The following APP variants were observed in gnomAD, a reference collection of about 807,000 sequenced individuals.
The protein encoded by APP is amyloid-beta precursor protein.
Under a neutral mutation model 101.4 loss-of-function variants are expected in APP, and 31 were observed. The ratio of observed to expected loss-of-function variants is 0.31; its 90% CI spans 0.23 to 0.41. The LOEUF is 0.41. Among genes scored for constraint, APP ranks in the 10% least tolerant of loss-of-function variants. APP has a pLI of 1.00. For synonymous variants in APP, 366 were observed against 364.4 expected, an observed-to-expected ratio of 1.00 and a Z score of -0.05; for missense variants, 839 against 1,003.7, an observed-to-expected ratio of 0.84 and a Z score of 2.22.
Position 26,061,425 on chromosome 21 carries a change from A to AT in APP, c.356-8078dup, listed in dbSNP as rs367759488. ...ACCATTTCAGACTCTTACTCCACAAATTTTTTTGTCTTGAATGTGCTCATT... is the reference window on the plus strand; with the variant it reads ...ACCATTTCAGACTCTTACTCCACAAATTTTTTTTGTCTTGAATGTGCTCATT... On this transcript the variant is annotated intron_variant, in intron 3 of 17. Transcript: ENST00000346798. Among the ~76,000 whole-genome samples the AT allele has an allele frequency of 2.8e-3, 433 of 152,240 alleles. 4 individuals are homozygous for AT. Among genetic ancestry groups the AT allele is most frequent in the African/African-American group, 0.01 (423 of 41,558 alleles).
At chr21:25,938,977 C>A (rs989902832) in intron 13 of APP, among the ~76,000 whole-genome samples, 13 of 152,142 alleles carry the variant, frequency 8.5e-5, no homozygotes, top group Non-Finnish European at 1.3e-4. Context: ...CTCTAATATA[C>A]CTATTTTTCT....
At chr21:25,948,501 TG>T (rs2040929595) in intron 13 of APP, among the ~76,000 whole-genome samples, 1 of 152,210 alleles carries the variant, frequency 6.6e-6, no homozygotes, top group Admixed American at 6.5e-5. Context: ...CCATTCACTA[TG>T]GATTTATTCA....
chr21:25,886,538 C>T (rs187314120), intron 17 of APP, among the ~76,000 whole-genome samples: 36 of 152,172 alleles, frequency 2.4e-4, no homozygotes, highest in Middle Eastern at 3.4e-3. Flanking sequence ...CGACTACAGG[C>T]GCATGCCACC....
At chr21:25,974,445 T>C (rs1207151890) in intron 11 of APP, among the ~76,000 whole-genome samples, 7 of 152,130 alleles carry the variant, frequency 4.6e-5, no homozygotes, top group East Asian at 1.9e-4. Flanking sequence ...GCCTTCAAGA[T>C]TGACATTAGT....
intron 3 of APP, among the ~76,000 whole-genome samples, chr21:26,060,576 T>C (rs1414676027): frequency 6.6e-6 from 1 of 152,118 alleles, no homozygotes; most frequent in Non-Finnish European, 1.5e-5. Flanking sequence ...AAATACAGTG[T>C]CTGTTGGATG....
At chr21:26,094,101 C>T (rs564240753) in intron 2 of APP, among the ~76,000 whole-genome samples, 2 of 143,794 alleles carry the variant, frequency 1.4e-5, no homozygotes, top group Admixed American at 1.4e-4. Flanking sequence ...GGTGACAGAG[C>T]GAGACTCGGT....
intron 8 of APP, among the ~76,000 whole-genome samples, chr21:25,990,563 C>T (rs2042819799): frequency 6.6e-6 from 1 of 152,134 alleles, no homozygotes; most frequent in Admixed American, 6.5e-5. Flanking sequence ...CATAGCTGCT[C>T]AACACTCAAT....
At chr21:26,168,582 T>G (rs542580635) in intron 1 of APP, among the ~76,000 whole-genome samples, 1 of 151,232 alleles carries the variant, frequency 6.6e-6, no homozygotes, top group East Asian at 1.9e-4. Context: ...GAAATATTGC[T>G]CAACAAAGTT....
intron 15 of APP, among the ~76,000 whole-genome samples, chr21:25,900,987 CAAAAA>C (rs71183520): frequency 8.4e-6 from 1 of 118,584 alleles, no homozygotes; most frequent in African/African-American, 4.7e-5. Context: ...GACTCCATCT[CAAAAA>C]AAAAAAAAAA....
At chr21:26,046,847 G>A (rs2146888624) in intron 5 of APP, among the ~76,000 whole-genome samples, 1 of 152,202 alleles carries the variant, frequency 6.6e-6, no homozygotes, top group East Asian at 1.9e-4. Context: ...CTGCCTACCT[G>A]GCTAGTCTTA....
intron 3 of APP, among the ~76,000 whole-genome samples, chr21:26,078,373 C>A (rs1208887508): frequency 6.6e-6 from 1 of 152,084 alleles, no homozygotes; most frequent in Non-Finnish European, 1.5e-5. Flanking sequence ...GGAAGAAATA[C>A]ATCAAAAGTT....
intron 1 of APP, among the ~76,000 whole-genome samples, chr21:26,166,350 G>C (rs2063608263): frequency 6.6e-6 from 1 of 152,174 alleles, no homozygotes; most frequent in Non-Finnish European, 1.5e-5. Flanking sequence ...CTGGCTGTGA[G>C]ACCCACAGGG....
Position 25,982,555 on chromosome 21 carries a change from C to T in APP, c.1091-78G>A, listed in dbSNP as rs45531734. 8.6e-4 allele frequency: 1,223 copies of T among 1,415,110 alleles called. 7 individuals carry two copies. In the African/African-American group the frequency reaches 0.011, roughly 12 times the overall value. The allele number at this position is 1,415,110 out of a possible 1,614,324, so 87.7% of individuals were successfully genotyped here. On this transcript the variant is annotated intron_variant, in intron 8 of 17. Coordinates refer to ENST00000346798, the MANE Select transcript of APP (RefSeq NM_000484.4). ...ATAATCCACTCGTTTAATAGAAAGCCGTATTTTCAGTTATTTCTCAGAACA... is the reference window on the plus strand; with the variant it reads ...ATAATCCACTCGTTTAATAGAAAGCTGTATTTTCAGTTATTTCTCAGAACA...
At chr21:25,917,336 C>A (rs1215072829) in intron 13 of APP, among the ~76,000 whole-genome samples, 1 of 151,388 alleles carries the variant, frequency 6.6e-6, no homozygotes, top group Admixed American at 6.6e-5. Context: ...AGAAGCCCTA[C>A]CACTTAGTTA....
chr21:25,981,524 G>T (rs1213480595), intron 9 of APP, among the ~76,000 whole-genome samples: 1 of 152,152 alleles, frequency 6.6e-6, no homozygotes. Context: ...GAATGAATGA[G>T]GAATCTGAGC....
chr21:26,053,328 C>G lies in APP; in HGVS notation c.376G>C (p.Ala126Pro). 6.2e-7 allele frequency: 1 copy of G among 1,613,062 alleles called. No individual in the cohort carries two copies. The highest frequency in any genetic ancestry group is 8.5e-7 in the Non-Finnish European group (1 of 1,179,052). The change falls in exon 4 of 18, where the codon GCC (alanine) becomes CCC (proline). Residue 126 changes from alanine to proline, a missense_variant. Ala to Pro is a conservative substitution (Grantham distance 27). Coordinates refer to ENST00000346798, the MANE Select transcript of APP (RefSeq NM_000484.4). ...TTGCACTTGTCAGGAACGAGAAGGGCATCACTTACAAACTCACCAACTGAA... is the reference window on the plus strand; with the variant it reads ...TTGCACTTGTCAGGAACGAGAAGGGGATCACTTACAAACTCACCAACTGAA... ...RCLVGEFVSD[A>P]LLVPDKCKFL... is the part of the protein sequence containing the mutation.
intron 5 of APP, among the ~76,000 whole-genome samples, chr21:26,028,799 A>G (rs545515167): frequency 6.6e-6 from 1 of 152,276 alleles, no homozygotes; most frequent in South Asian, 2.1e-4. Flanking sequence ...ATTTCTTGGA[A>G]TCTATCTATT....
At position 25,927,002 on chromosome 21, in the gene APP, C is replaced by CAAA. The variant is rs36048306; in HGVS notation, c.1688-15043_1688-15041dup. Among the ~76,000 whole-genome samples the CAAA allele has an allele frequency of 2.6e-3, 176 of 67,268 alleles. 6 individuals are homozygous for CAAA. Among genetic ancestry groups the CAAA allele is most frequent in the African/African-American group, 0.01 (164 of 15,950 alleles). The allele number at this position is 67,268 out of a possible 152,430, so 44.1% of individuals were successfully genotyped here. A position where few individuals can be genotyped will look rare whatever the true frequency, so the allele number is the denominator to read the frequency against. On this transcript the variant is annotated intron_variant, in intron 13 of 17. Transcript: ENST00000346798. ...TGGGCAACAGAGTGAGACTCCGTCTCAAAAAAAAAAAAAAAAAAAAAAAAA... is the reference window on the plus strand; with the variant it reads ...TGGGCAACAGAGTGAGACTCCGTCTCAAAAAAAAAAAAAAAAAAAAAAAAAAAA...
chr21:26,101,095 CTTTTTTTTTTT>C (rs35407047), intron 2 of APP, among the ~76,000 whole-genome samples: 3 of 79,318 alleles, frequency 3.8e-5, no homozygotes, highest in Non-Finnish European at 6.7e-5. Context: ...TTTTTTTTTC[CTTTTTTTTTTT>C]TTTTTTTTTT....
Sources: allele counts gnomAD v4.1 joint callset (sites outside exome capture counted in the v4.1 genomes callset), GRCh38; gene constraint gnomAD v4.1.1; transcripts MANE v1.5; gene names NCBI Gene and HGNC (gene_info 2026-07-23, HGNC 2026-07-21).